Variants in CSMD2 observed in about 807,000 individuals in gnomAD.
CSMD2 encodes CUB and sushi domain-containing protein 2.
In CSMD2, 130 loss-of-function variants were observed where a neutral mutation model predicts 398.5. The observed-to-expected ratio is 0.33, with a 90% CI of 0.28 to 0.38. CSMD2 has a LOEUF of 0.38. Ranked by LOEUF, CSMD2 falls within the 10% of genes least tolerant of loss-of-function variation. The pLI is 1.00. For synonymous variants in CSMD2, 1,828 were observed against 1,908.5 expected (o/e 0.96, Z 1.10); for missense variants, 3,829 against 4,764.9 (o/e 0.80, Z 5.78).
chr1:34,047,725 T>A (rs1652693930), intron 2 of CSMD2, among the ~76,000 whole-genome samples: 1 of 152,162 alleles, frequency 6.6e-6, no homozygotes, highest in African/African-American at 2.4e-5. Flanking sequence ...CCTGAGCTGA[T>A]CTAAAAAGAT....
chr1:33,720,997 G>C (rs1415442404), intron 19 of CSMD2, among the ~76,000 whole-genome samples: 1 of 152,210 alleles, frequency 6.6e-6, no homozygotes, highest in African/African-American at 2.4e-5. Context: ...ACCGTGCCTG[G>C]CCTAGCGATT....
intron 5 of CSMD2, among the ~76,000 whole-genome samples, chr1:33,874,087 C>T (rs1216013660): frequency 2.6e-5 from 4 of 152,190 alleles, no homozygotes; most frequent in African/African-American, 4.8e-5. Context: ...CATCCCAATG[C>T]ACAGCACATT....
chr1:33,537,583 G>A lies in CSMD2; in HGVS notation c.9658C>T (p.Pro3220Ser), dbSNP rs778465890. The change falls in exon 61 of 71, where the codon CCG (proline) becomes TCG (serine). Residue 3220 changes from proline (P) to serine (S), a missense_variant. Physicochemically the swap from Pro to Ser is moderately conservative, Grantham distance 74. This residue lies in a region of CSMD2 where 917 missense variants were observed against 1,199.5 expected (regional missense o/e 0.76). Transcript: ENST00000373381. This position sits in a 1 kb window ranked among gnomAD's most constrained non-coding sequence, Gnocchi z 4.6. ...FPVFCGDPGV[P>S]SRGRREDRGF... ...CGGTCCTCTCTCCTCCCACGGGACG[G>A]GACACCAGGATCCCCGCAGAACACA... is the stretch of plus-strand genomic sequence containing the variant. The A allele has an allele frequency of 1.2e-6, 2 of 1,613,912 alleles. No homozygotes were observed. The highest frequency in any genetic ancestry group is 1.7e-6 in the Non-Finnish European group (2 of 1,179,896).
rs1437773096 is a variant in CSMD2, at chr1:33,567,704, A to G, written c.8269T>C (p.Tyr2757His). ...NGHINGENYS[Y>H]RGSVVYQCNA... ...CATTGGTACACCACACTGCCCCGGT[A>G]GCTGTAGTTCTCCCCATTGATGTGT... Residue 2757 changes from tyrosine to histidine, a missense_variant, in exon 53 of 71, where the codon TAC (tyrosine) becomes CAC (histidine). Tyr to His is a moderately conservative substitution (Grantham distance 83). This residue lies in a region of CSMD2 where 917 missense variants were observed against 1,199.5 expected (regional missense o/e 0.76). Transcript: ENST00000373381. The G allele has an allele frequency of 1.2e-6, 2 of 1,614,064 alleles. No homozygotes were observed. The highest frequency in any genetic ancestry group is 4.5e-5 in the East Asian group (2 of 44,880).
intron 2 of CSMD2, among the ~76,000 whole-genome samples, chr1:34,062,011 C>T (rs1371681398): frequency 2.6e-5 from 4 of 152,140 alleles, no homozygotes; most frequent in Non-Finnish European, 2.9e-5. Flanking sequence ...TGTATGGGAT[C>T]CCCAGATCAG....
intron 44 of CSMD2, 198 bp downstream of exon 44, chr1:33,600,667 G>C: frequency 1.6e-6 from 1 of 609,592 alleles, no homozygotes; most frequent in South Asian, 2.1e-5. Context: ...AGGAAAACTT[G>C]CATTTACAGA....
chr1:33,614,588 C>A lies in CSMD2; in HGVS notation c.6049G>T (p.Gly2017Trp), dbSNP rs1413897435. 3 of 1,610,858 alleles carry A rather than the reference C, an allele frequency of 1.9e-6. No homozygotes were observed. Among genetic ancestry groups the A allele is most frequent in the African/African-American group, 2.7e-5 (2 of 74,734 alleles). Residue 2017 changes from glycine (G) to tryptophan (W), a missense_variant, in exon 40 of 71, where the codon GGG becomes TGG. Gly to Trp is a radical substitution (Grantham distance 184). Around this residue, in one of 5 missense-constraint regions of CSMD2, gnomAD observed 2,001 missense variants for 2,567.1 expected, o/e 0.78. Transcript: ENST00000373381. The part of the protein sequence containing the change: ...QCGGTVEEME[G>W]VILSPGFPGN... ...GGGAAGCCGGGGCTCAGGATCACCC[C>A]CTCCATCTCCTCCACTGTTCCCCCA... is the stretch of plus-strand genomic sequence containing the variant.
At chr1:33,597,310 G>T (rs1639908285) in intron 44 of CSMD2, among the ~76,000 whole-genome samples, 1 of 151,600 alleles carries the variant, frequency 6.6e-6, no homozygotes, top group Admixed American at 6.6e-5. Context: ...TCCTCTCTTA[G>T]GTTTTCCACA....
chr1:33,971,459 G>C (rs532016), intron 3 of CSMD2, among the ~76,000 whole-genome samples: 79,302 of 152,192 alleles, frequency 0.52, 21,520 homozygotes, highest in African/African-American at 0.67. Flanking sequence ...CATCGTGCCT[G>C]GCTCAGGTCT....
chr1:33,645,670 T>G (rs571584953), intron 29 of CSMD2, among the ~76,000 whole-genome samples: 1 of 152,220 alleles, frequency 6.6e-6, no homozygotes, highest in Non-Finnish European at 1.5e-5. Context: ...ACAGAATGCA[T>G]GATATGTGCC....
At chr1:33,757,858 C>T (rs898329368) in intron 13 of CSMD2, among the ~76,000 whole-genome samples, 1 of 152,198 alleles carries the variant, frequency 6.6e-6, no homozygotes, top group Non-Finnish European at 1.5e-5. Flanking sequence ...CTTGTCACAT[C>T]CTCATCACAT....
Position 34,163,959 on chromosome 1 carries a change from G to A in CSMD2, c.187+952C>T, listed in dbSNP as rs1279238491. 6.6e-6 allele frequency among the ~76,000 whole-genome samples: 1 copy of A among 151,856 alleles called. No homozygotes were observed. Among genetic ancestry groups the A allele is most frequent in the South Asian group, 2.1e-4 (1 of 4,812 alleles). ...TCGAAGGTTCGCGTACCTCCCCCGC[G>A]CGCTGCAAGCTGCAGCCAGACACCC... On this transcript the variant is annotated intron_variant, in intron 1 of 70. Transcript: ENST00000373381. This position sits in a 1 kb window ranked among gnomAD's most constrained non-coding sequence, Gnocchi z 5.4.
intron 5 of CSMD2, among the ~76,000 whole-genome samples, chr1:33,900,472 T>G (rs1039779508): frequency 1.5e-4 from 23 of 152,326 alleles, no homozygotes; most frequent in African/African-American, 4.6e-4. Flanking sequence ...TATGATAATA[T>G]TATTATTTTA....
intron 27 of CSMD2, among the ~76,000 whole-genome samples, chr1:33,653,266 T>C (rs976761972): frequency 1.3e-5 from 2 of 152,208 alleles, no homozygotes; most frequent in Non-Finnish European, 2.9e-5. Flanking sequence ...GCCGGCACTG[T>C]CTGTACACCT....
chr1:33,891,597 C>T (rs924807125), intron 5 of CSMD2, among the ~76,000 whole-genome samples: 47 of 151,736 alleles, frequency 3.1e-4, no homozygotes, highest in African/African-American at 1.1e-3. Flanking sequence ...GACACATGCA[C>T]ACGTATGTTT....
chr1:33,567,183 A>G (rs1659125913), intron 53 of CSMD2, among the ~76,000 whole-genome samples: 1 of 152,088 alleles, frequency 6.6e-6, no homozygotes, highest in Non-Finnish European at 1.5e-5. Flanking sequence ...CCAAAATTAC[A>G]GAATTTCTAA....
At chr1:33,860,461 C>T (rs1407124) in intron 5 of CSMD2, 127,251 of 152,216 alleles carry the variant, frequency 0.84, 53,712 homozygotes, top group African/African-American at 0.95. Flanking sequence ...ATGCTTACTT[C>T]GATCACTTGG....
chr1:34,147,841 G>A (rs982103964), intron 1 of CSMD2, among the ~76,000 whole-genome samples: 2 of 152,172 alleles, frequency 1.3e-5, no homozygotes, highest in Non-Finnish European at 2.9e-5. Flanking sequence ...TCAGCAGCAA[G>A]GCTCACGCAG....
chr1:34,150,896 G>A (rs566322794), intron 1 of CSMD2, among the ~76,000 whole-genome samples: 1 of 152,126 alleles, frequency 6.6e-6, no homozygotes, highest in Non-Finnish European at 1.5e-5. Context: ...CTCCAGCCTG[G>A]GTGACAGATC....
Sources: allele counts gnomAD v4.1 joint callset (sites outside exome capture counted in the v4.1 genomes callset), GRCh38; gene constraint gnomAD v4.1.1; regional missense constraint gnomAD v4.1.1; non-coding constraint Gnocchi (gnomAD v3.1); transcripts MANE v1.5; gene names NCBI Gene and HGNC (gene_info 2026-07-23, HGNC 2026-07-21).